The following TTC21B variants were observed in gnomAD, a reference collection of about 807,000 sequenced individuals.
TTC21B encodes the protein tetratricopeptide repeat domain 21B.
A neutral mutation model predicts 175.1 loss-of-function variants in TTC21B; 127 were observed. The ratio of observed to expected loss-of-function variants is 0.73; its 90% CI spans 0.63 to 0.84. The LOEUF is 0.84. TTC21B is among the 40% of genes least tolerant of loss of function. TTC21B has a pLI of 0.00. For synonymous variants in TTC21B, 524 were observed against 524.5 expected, an observed-to-expected ratio of 1.00 and a Z score of 0.01; for missense variants, 1,561 against 1,558.3, an observed-to-expected ratio of 1.00 and a Z score of -0.03.
chr2:165,945,774 A>T (rs1687536535), intron 3 of TTC21B, 84 bp from the exon 4 acceptor site: 1 of 1,402,134 alleles, frequency 7.1e-7, no homozygotes, highest in Admixed American at 1.9e-5. Context: ...AAGGCAAAAA[A>T]TTTACTTCTC....
chr2:165,935,792 T>A (rs1303863533), intron 6 of TTC21B, among the ~76,000 whole-genome samples: 1 of 152,144 alleles, frequency 6.6e-6, no homozygotes, highest in African/African-American at 2.4e-5. Context: ...GGAAAATTTT[T>A]AAATTCTGAC....
chr2:165,889,258 T>A (rs990052778), intron 24 of TTC21B, among the ~76,000 whole-genome samples: 2 of 152,186 alleles, frequency 1.3e-5, no homozygotes, highest in African/African-American at 4.8e-5. Flanking sequence ...GACTACCACT[T>A]CAAAGTTCTT....
intron 12 of TTC21B, among the ~76,000 whole-genome samples, chr2:165,923,888 G>T (rs527566062): frequency 6.6e-6 from 1 of 151,430 alleles, no homozygotes; most frequent in African/African-American, 2.4e-5. Flanking sequence ...AGTAACTGGG[G>T]CTACAGGCAC....
intron 10 of TTC21B, 38 bp from the exon 11 acceptor site, chr2:165,929,373 G>C: frequency 6.7e-7 from 1 of 1,500,324 alleles, no homozygotes; most frequent in Non-Finnish European, 9.2e-7. Flanking sequence ...ATTCCATTTA[G>C]TTATAAAGCC....
chr2:165,941,170 C>T lies in TTC21B; in HGVS notation c.567G>A (p.Glu189=). The change falls in exon 6 of 29, where the codon GAG becomes GAA. Residue 189 remains glutamate, a synonymous_variant. Transcript: ENST00000243344. ...FALLGKAQCL[E]MRQNYSGALE... is the part of the protein sequence containing the mutation. ...GGGCACCTGAATAATTCTGGCGCAT[C>T]TCAAGGCATTGTGCCTAATGGAAGG... The T allele has an allele frequency of 6.2e-7, 1 of 1,613,940 alleles. No homozygotes were observed. The highest frequency in any genetic ancestry group is 2.2e-5 in the East Asian group (1 of 44,866).
intron 22 of TTC21B, 79 bp downstream of exon 22, chr2:165,898,607 G>T: frequency 1.0e-6 from 1 of 959,502 alleles, no homozygotes; most frequent in Non-Finnish European, 1.7e-6. Context: ...TTTGCCCGAG[G>T]GCATAACCAC....
intron 19 of TTC21B, among the ~76,000 whole-genome samples, chr2:165,904,820 AT>A (rs1275130154): frequency 6.6e-6 from 1 of 152,228 alleles, no homozygotes. Flanking sequence ...AATATAAAGT[AT>A]TAAGAAGGTA....
intron 26 of TTC21B, among the ~76,000 whole-genome samples, chr2:165,882,650 T>C (rs780769527): frequency 2.6e-5 from 4 of 152,158 alleles, no homozygotes; most frequent in Admixed American, 2.0e-4. Flanking sequence ...TTTTAAATTA[T>C]GTAATTCAAG....
intron 12 of TTC21B, among the ~76,000 whole-genome samples, chr2:165,923,607 G>T (rs2105334614): frequency 3.5e-5 from 1 of 28,470 alleles, no homozygotes; most frequent in Non-Finnish European, 1.1e-4. Flanking sequence ...ACCATGCCTG[G>T]CTAATTTCTT....
intron 28 of TTC21B, among the ~76,000 whole-genome samples, 177 bp downstream of exon 28, chr2:165,875,983 TTTTTA>T (rs1447246844): frequency 6.6e-6 from 1 of 152,144 alleles, no homozygotes; most frequent in Non-Finnish European, 1.5e-5. Context: ...AAAAACATGT[TTTTTA>T]TTTAGGTGAA....
intron 10 of TTC21B, 35 bp from the exon 11 acceptor site, chr2:165,929,370 TTAGTTA>T (rs762136938): frequency 5.2e-6 from 8 of 1,526,094 alleles, no homozygotes; most frequent in Non-Finnish European, 6.3e-6. Context: ...ATTATTCCAT[TTAGTTA>T]TAAAGCCATT....
rs989876098 is a variant in TTC21B at position 165,927,758 on chromosome 2, G to T, written c.1386+1377C>A. ...CAACCCCTGGTACAATTCTATGAGGGTTTAAGTTTAAAAAATAAATAGTAA... is the reference window on the plus strand; with the variant it reads ...CAACCCCTGGTACAATTCTATGAGGTTTTAAGTTTAAAAAATAAATAGTAA... On this transcript the variant is annotated intron_variant, in intron 11 of 28. Transcript: ENST00000243344. 3.3e-5 allele frequency among the ~76,000 whole-genome samples: 5 copies of T among 152,036 alleles called. No homozygotes were observed. The East Asian group carries it at 9.7e-4, about 29-fold the overall frequency.
chr2:165,899,728 A>C, intron 21 of TTC21B, 42 bp downstream of exon 21: 1 of 1,354,824 alleles, frequency 7.4e-7, no homozygotes, highest in Non-Finnish European at 1.1e-6. Context: ...AAAACTTATA[A>C]AACACAAGTG....
chr2:165,934,361 G>T (rs958128953), intron 6 of TTC21B, among the ~76,000 whole-genome samples: 2 of 151,622 alleles, frequency 1.3e-5, no homozygotes, highest in Non-Finnish European at 2.9e-5. Context: ...AATTAGCAGG[G>T]CGTGGTGGTG....
Position 165,907,696 on chromosome 2 carries a change from C to A in TTC21B, c.2550G>T (p.Ala850=), listed in dbSNP as rs144151561. The A allele has an allele frequency of 1.9e-6, 3 of 1,610,698 alleles. No homozygotes were observed. Among genetic ancestry groups the A allele is most frequent in the South Asian group, 1.1e-5 (1 of 91,022 alleles). ...TGTTTACCTGTTGTAATGCAGTGATCGCATCACCAAGTTTTTCCATTTTAC... is the reference window on the plus strand; with the variant it reads ...TGTTTACCTGTTGTAATGCAGTGATAGCATCACCAAGTTTTTCCATTTTAC... ...VYSKMEKLGD[A]ITALQQAREL... Residue 850 remains alanine, a synonymous_variant, in exon 19 of 29, where the codon GCG becomes GCT. Transcript: ENST00000243344.
At chr2:165,925,556 A>G (rs1404909615) in intron 11 of TTC21B, among the ~76,000 whole-genome samples, 2 of 152,168 alleles carry the variant, frequency 1.3e-5, no homozygotes, top group Non-Finnish European at 2.9e-5. Context: ...TCCTATAATG[A>G]GCCATTATTA....
intron 28 of TTC21B, among the ~76,000 whole-genome samples, chr2:165,875,338 G>A (rs1330201090): frequency 2.0e-5 from 3 of 151,792 alleles, no homozygotes; most frequent in African/African-American, 4.8e-5. Context: ...ACCCTAACCT[G>A]ACTGAAATAC....
intron 13 of TTC21B, among the ~76,000 whole-genome samples, chr2:165,917,874 A>AT (rs1418471042): frequency 4.6e-5 from 7 of 152,246 alleles, no homozygotes; most frequent in Admixed American, 3.9e-4. Flanking sequence ...TCTCCCCTTT[A>AT]TTTTTTTAAT....
At chr2:165,936,387 G>A (rs777759630) in intron 6 of TTC21B, among the ~76,000 whole-genome samples, 1 of 151,950 alleles carries the variant, frequency 6.6e-6, no homozygotes, top group South Asian at 2.1e-4. Flanking sequence ...AAAATCTGAC[G>A]GCCTATGGTT....
Sources: allele counts gnomAD v4.1 joint callset (sites outside exome capture counted in the v4.1 genomes callset), GRCh38; gene constraint gnomAD v4.1.1; transcripts MANE v1.5; gene names NCBI Gene and HGNC (gene_info 2026-07-23, HGNC 2026-07-21).